Variants in CPA6 observed in about 807,000 individuals in gnomAD.
The protein encoded by CPA6 is carboxypeptidase B.
A neutral mutation model predicts 63.3 loss-of-function variants in CPA6; 58 were observed. The ratio of observed to expected loss-of-function variants is 0.92; its 90% CI spans 0.74 to 1.14. CPA6 has a LOEUF of 1.14. CPA6 is among the 50% of genes most tolerant of loss of function. The probability of loss-of-function intolerance (pLI) is 0.00; values close to 1 mark genes in which losing one functional copy is unlikely to be tolerated. For synonymous variants in CPA6, 185 were observed against 179.0 expected, an observed-to-expected ratio of 1.03 and a Z score of -0.27; for missense variants, 565 against 526.6, an observed-to-expected ratio of 1.07 and a Z score of -0.71.
intron 2 of CPA6, among the ~76,000 whole-genome samples, chr8:67,531,310 A>G (rs1812472869): frequency 6.6e-6 from 1 of 152,194 alleles, no homozygotes. Flanking sequence ...CAGGGATTAC[A>G]TTATCTAGGT....
intron 8 of CPA6, among the ~76,000 whole-genome samples, chr8:67,475,831 CTTTCTTT>C: frequency 2.0e-5 from 1 of 50,436 alleles, no homozygotes; most frequent in South Asian, 6.8e-4. Flanking sequence ...TCTTTTCTTT[CTTTCTTT>C]CTTTCTTTCT....
At chr8:67,455,968 G>C (rs1054555929) in intron 8 of CPA6, among the ~76,000 whole-genome samples, 6 of 152,120 alleles carry the variant, frequency 3.9e-5, no homozygotes, top group African/African-American at 1.4e-4. Flanking sequence ...TCTTGCCTCA[G>C]CTTCCCAAAG....
chr8:67,558,065 C>A (rs1813109483), intron 2 of CPA6, among the ~76,000 whole-genome samples: 1 of 152,162 alleles, frequency 6.6e-6, no homozygotes, highest in Non-Finnish European at 1.5e-5. Context: ...GCATATCTTA[C>A]TTTTCCCCCT....
Position 67,723,024 on chromosome 8 carries a change from G to A in CPA6, c.116+22990C>T, listed in dbSNP as rs532544255. On this transcript the variant is annotated intron_variant, in intron 1 of 10. Coordinates refer to ENST00000297770, the MANE Select transcript of CPA6 (RefSeq NM_020361.5). The stretch of plus-strand genomic sequence containing the variant: ...TAAAAATCAGCACATTTCCAAAATA[G>A]AATCATACATATTACTCTCAAACTC... Among the ~76,000 whole-genome samples the A allele has an allele frequency of 9.1e-4, 138 of 151,866 alleles. No homozygotes were observed. The Middle Eastern group carries it at 0.014, about 15-fold the overall frequency.
At chr8:67,718,188 C>A (rs765806642) in intron 1 of CPA6, among the ~76,000 whole-genome samples, 31 of 152,074 alleles carry the variant, frequency 2.0e-4, no homozygotes, top group Non-Finnish European at 4.1e-4. Context: ...ACTCACACAA[C>A]AAAATATTTT....
intron 6 of CPA6, among the ~76,000 whole-genome samples, chr8:67,491,386 C>T (rs1811603057): frequency 6.6e-6 from 1 of 151,870 alleles, no homozygotes; most frequent in African/African-American, 2.4e-5. Context: ...AAAATGATCT[C>T]CTCATCTTGT....
At chr8:67,491,837 C>T (rs931393093) in intron 6 of CPA6, among the ~76,000 whole-genome samples, 1 of 151,516 alleles carries the variant, frequency 6.6e-6, no homozygotes, top group Non-Finnish European at 1.5e-5. Context: ...ACCACTGCTA[C>T]AAATCACTAT....
intron 1 of CPA6, among the ~76,000 whole-genome samples, chr8:67,632,194 A>C (rs1316393408): frequency 6.6e-6 from 1 of 151,424 alleles, no homozygotes; most frequent in African/African-American, 2.4e-5. Context: ...TTTCTCAGAG[A>C]CAGTCTCGCT....
intron 1 of CPA6, among the ~76,000 whole-genome samples, chr8:67,688,762 T>C (rs1816756653): frequency 6.6e-6 from 1 of 152,200 alleles, no homozygotes; most frequent in South Asian, 2.1e-4. Flanking sequence ...TTAACATTTC[T>C]TTATTTCTTT....
chr8:67,436,996 G>A (rs1253881725), intron 8 of CPA6, among the ~76,000 whole-genome samples: 1 of 152,210 alleles, frequency 6.6e-6, no homozygotes, highest in Non-Finnish European at 1.5e-5. Context: ...GAAGTCAAGA[G>A]TCGAGTGGGG....
chr8:67,532,590 G>A (rs1812501058), intron 2 of CPA6, among the ~76,000 whole-genome samples: 2 of 152,080 alleles, frequency 1.3e-5, no homozygotes, highest in South Asian at 4.2e-4. Flanking sequence ...GCTGAGAGGT[G>A]GGAGGATCGC....
At chr8:67,446,117 T>C (rs908833038) in intron 8 of CPA6, among the ~76,000 whole-genome samples, 3 of 151,780 alleles carry the variant, frequency 2.0e-5, no homozygotes, top group Admixed American at 2.0e-4. Context: ...ATACAAAAAA[T>C]TAGCCGGGCG....
At chr8:67,595,836 C>T (rs931835790) in intron 2 of CPA6, among the ~76,000 whole-genome samples, 10 of 152,212 alleles carry the variant, frequency 6.6e-5, no homozygotes, top group Non-Finnish European at 1.0e-4. Flanking sequence ...TTGCACTTCC[C>T]GAGTGAGGCA....
At chr8:67,544,668 C>T (rs1812775894) in intron 2 of CPA6, among the ~76,000 whole-genome samples, 2 of 152,130 alleles carry the variant, frequency 1.3e-5, no homozygotes, top group South Asian at 2.1e-4. Flanking sequence ...ATGTCTAATT[C>T]ATATAATTTT....
chr8:67,553,134 T>C (rs1244504651), intron 2 of CPA6, among the ~76,000 whole-genome samples: 3 of 152,210 alleles, frequency 2.0e-5, no homozygotes, highest in African/African-American at 4.8e-5. Context: ...GATGCTTTCT[T>C]GATTTTTATC....
chr8:67,642,411 G>T (rs1029437428), intron 1 of CPA6, among the ~76,000 whole-genome samples: 1 of 152,100 alleles, frequency 6.6e-6, no homozygotes, highest in Non-Finnish European at 1.5e-5. Context: ...CTGTAAGGAT[G>T]TCAGTTACCC....
chr8:67,472,876 A>T (rs1251366655), intron 8 of CPA6, among the ~76,000 whole-genome samples: 1 of 152,250 alleles, frequency 6.6e-6, no homozygotes, highest in African/African-American at 2.4e-5. Flanking sequence ...AAGAATAATC[A>T]GAGAAATAAA....
At chr8:67,558,811 A>G (rs1026153124) in intron 2 of CPA6, among the ~76,000 whole-genome samples, 2 of 152,244 alleles carry the variant, frequency 1.3e-5, no homozygotes, top group African/African-American at 4.8e-5. Context: ...TCTTCGTCCC[A>G]TCTGGTCACA....
chr8:67,592,438 A>G (rs1311912936), intron 2 of CPA6, among the ~76,000 whole-genome samples: 2 of 151,742 alleles, frequency 1.3e-5, no homozygotes, highest in African/African-American at 4.8e-5. Context: ...TTTTCTATTG[A>G]TTGGAATAGT....
Sources: allele counts gnomAD v4.1 joint callset (sites outside exome capture counted in the v4.1 genomes callset), GRCh38; gene constraint gnomAD v4.1.1; transcripts MANE v1.5; gene names NCBI Gene and HGNC (gene_info 2026-07-23, HGNC 2026-07-21).